Variants in LGSN observed in about 807,000 individuals in gnomAD.
LGSN encodes lengsin, lens protein with glutamine synthetase domain, also known as lengsin.
A neutral mutation model predicts 19.5 loss-of-function variants in LGSN; 21 were observed. The ratio of observed to expected loss-of-function variants is 1.07; its 90% CI spans 0.76 to 1.55. LGSN has a LOEUF of 1.55. LGSN is among the 40% of genes most tolerant of loss of function. The pLI, the probability that LGSN is intolerant of heterozygous loss-of-function variation, is 0.00. For synonymous variants in LGSN, 257 were observed against 215.6 expected (o/e 1.19, Z -1.68); for missense variants, 673 against 608.5 (o/e 1.11, Z -1.12).
chr6:63,454,705 C>T, the LGSN span, among the ~76,000 whole-genome samples: 7 of 151,306 alleles, frequency 4.6e-5, no homozygotes, highest in African/African-American at 1.7e-4. Flanking sequence ...CTCTTGACCT[C>T]GTGATCCATC....
the LGSN span, among the ~76,000 whole-genome samples, chr6:63,344,218 A>G: frequency 1.1e-4 from 16 of 152,240 alleles, no homozygotes; most frequent in African/African-American, 3.9e-4. Context: ...ACAGTAGTAG[A>G]AAATGAATAC....
At chr6:63,523,968 G>A in the LGSN span, among the ~76,000 whole-genome samples, 1 of 151,980 alleles carries the variant, frequency 6.6e-6, no homozygotes, top group Non-Finnish European at 1.5e-5. Flanking sequence ...ATATTAAAAA[G>A]GTAGAATTGT....
chr6:63,390,866 AAAAAAAAAAAAG>A, the LGSN span, among the ~76,000 whole-genome samples: 1,257 of 151,304 alleles, frequency 8.3e-3, 24 homozygotes, highest in African/African-American at 0.029. Flanking sequence ...TCTCAAAAAA[AAAAAAAAAAAAG>A]AAAAGAAAAT....
At chr6:63,423,686 A>C in the LGSN span, among the ~76,000 whole-genome samples, 5 of 152,146 alleles carry the variant, frequency 3.3e-5, no homozygotes. Flanking sequence ...ACCAAGAAGA[A>C]ATAATCCCAA....
At chr6:63,410,663 A>G in the LGSN span, among the ~76,000 whole-genome samples, 2 of 152,204 alleles carry the variant, frequency 1.3e-5, no homozygotes, top group Non-Finnish European at 2.9e-5. Flanking sequence ...TCTTGGAACC[A>G]TAAAGTGCAA....
chr6:63,349,848 T>C, the LGSN span, among the ~76,000 whole-genome samples: 1 of 152,158 alleles, frequency 6.6e-6, no homozygotes, highest in Non-Finnish European at 1.5e-5. Flanking sequence ...AATCAAGGTG[T>C]TGGGTAGGCT....
At chr6:63,493,058 C>A in the LGSN span, among the ~76,000 whole-genome samples, 2 of 152,012 alleles carry the variant, frequency 1.3e-5, no homozygotes, top group Non-Finnish European at 2.9e-5. Context: ...GTCTTATTGC[C>A]CCCTCTTTCC....
At chr6:63,310,658 G>C in intron 1 of LGSN, among the ~76,000 whole-genome samples, 1 of 152,216 alleles carries the variant, frequency 6.6e-6, no homozygotes, top group Middle Eastern at 3.4e-3. Context: ...TTAAAAATGA[G>C]GGTCCTGGAA....
At chr6:63,308,551 A>T (rs74944404) in intron 1 of LGSN, among the ~76,000 whole-genome samples, 5,016 of 152,150 alleles carry the variant, frequency 0.033, 279 homozygotes, top group African/African-American at 0.11. Context: ...TAGGTTCTAA[A>T]TATCAATGAT....
the LGSN span, among the ~76,000 whole-genome samples, chr6:63,421,738 GA>G: frequency 4.1e-5 from 6 of 147,676 alleles, no homozygotes; most frequent in South Asian, 4.3e-4. Context: ...AAAAAAGAAA[GA>G]AAAAAAAAGA....
the LGSN span, among the ~76,000 whole-genome samples, chr6:63,556,592 T>C: frequency 2.3e-4 from 35 of 152,204 alleles, no homozygotes; most frequent in Admixed American, 2.2e-3. Context: ...GGGAGGATGA[T>C]ACCACAGGGG....
At chr6:63,475,613 T>C in the LGSN span, among the ~76,000 whole-genome samples, 16 of 152,336 alleles carry the variant, frequency 1.1e-4, no homozygotes, top group African/African-American at 3.6e-4. Context: ...GCTTGAAATA[T>C]GCTTCAAACT....
chr6:63,364,341 G>T, the LGSN span, among the ~76,000 whole-genome samples: 3 of 152,046 alleles, frequency 2.0e-5, no homozygotes, highest in African/African-American at 7.2e-5. Flanking sequence ...GACAAAGGAG[G>T]CCATTACATA....
chr6:63,414,613 C>T, the LGSN span, among the ~76,000 whole-genome samples: 17,564 of 152,196 alleles, frequency 0.12, 2,021 homozygotes, highest in African/African-American at 0.3. Context: ...TCAATTATAC[C>T]TTAATAAAGC....
chr6:63,320,107 A>G, upstream of LGSN: 2 of 614,836 alleles, frequency 3.3e-6, no homozygotes, highest in Middle Eastern at 2.5e-4. Context: ...TCAGATTCTG[A>G]TGTGTCATGC....
the LGSN span, chr6:63,549,494 CT>C: frequency 1.3e-6 from 1 of 776,558 alleles, no homozygotes; most frequent in Non-Finnish European, 2.2e-6. Context: ...CCTTGGCCTT[CT>C]TTCCTTTCGG....
At chr6:63,326,638 C>T in the LGSN span, among the ~76,000 whole-genome samples, 5 of 152,316 alleles carry the variant, frequency 3.3e-5, no homozygotes, top group Admixed American at 1.3e-4. Context: ...TCGAGCACAG[C>T]GCTGGTGTGC....
the LGSN span, among the ~76,000 whole-genome samples, chr6:63,499,339 C>G: frequency 1.3e-5 from 2 of 152,110 alleles, no homozygotes; most frequent in Admixed American, 6.5e-5. Flanking sequence ...TGTGCCAGCT[C>G]TGCTAGTTCT....
chr6:63,305,163 CAG>C (rs895665195), intron 1 of LGSN, among the ~76,000 whole-genome samples: 45 of 152,034 alleles, frequency 3.0e-4, no homozygotes, highest in African/African-American at 1.0e-3. Flanking sequence ...CTTCTGAAAA[CAG>C]GAGATCCCAG....
Sources: gnomAD v4.1 joint callset for allele counts (sites outside exome capture counted in the v4.1 genomes callset) on GRCh38, gnomAD v4.1.1 for gene constraint, MANE v1.5 for transcripts, NCBI Gene and HGNC (gene_info 2026-07-23, HGNC 2026-07-21) for gene names.